The following C16orf95 variants were observed in gnomAD, a reference collection of about 807,000 sequenced individuals.
The protein encoded by C16orf95 is chromosome 16 open reading frame 95, also known as uncharacterized protein C16orf95.
A neutral mutation model predicts 32.1 loss-of-function variants in C16orf95; 41 were observed. The observed-to-expected ratio is 1.28, with a 90% confidence interval of 1.00 to 1.66. The LOEUF (loss-of-function observed/expected upper bound fraction) is 1.66, where lower values mean the gene tolerates loss of function less well. Among genes scored for constraint, C16orf95 ranks in the 40% most tolerant of loss-of-function variants. C16orf95 has a pLI of 0.00. For synonymous variants in C16orf95, 147 were observed against 128.9 expected (o/e 1.14, Z -0.95); for missense variants, 399 against 325.9 (o/e 1.22, Z -1.73).
Position 87,314,979 on chromosome 16 carries a change from G to C in C16orf95, c.322C>G (p.Arg108Gly), listed in dbSNP as rs531125577. Residue 108 changes from arginine to glycine, a missense_variant, in exon 3 of 7, where the codon CGA (arginine) becomes GGA (glycine). Transcript: ENST00000567970. ...TGGTTCAAGTCACCTACCTGCTTTC[G>C]GGGTCTCAGGGACAGAGGGACCCAG... ...PYWVPLSLRP[R>G]KQSQKTVQFP... The C allele has an allele frequency of 3.6e-4, 555 of 1,535,846 alleles. 1 individual carries two copies. In the African/African-American group the frequency reaches 5.9e-3, roughly 16 times the overall value.
intron 3 of C16orf95, among the ~76,000 whole-genome samples, chr16:87,312,583 AAAAG>A (rs1240360204): frequency 1.3e-4 from 20 of 150,254 alleles, no homozygotes; most frequent in African/African-American, 4.7e-4. Flanking sequence ...AAAAAAAAAA[AAAAG>A]AAAGAAAAGA....
chr16:87,305,631 T>A lies in C16orf95; in HGVS notation c.701+88A>T. On this transcript the variant is annotated intron_variant, in intron 6 of 6. Transcript: ENST00000567970. The surrounding 1 kb of genome is among the most constrained non-coding windows in gnomAD (Gnocchi z 4.2). ...CAAGTTAAGCCCCACCCCCCACTCT[T>A]CCACATCCCTGATGGCCACCAAGCC... The A allele has an allele frequency of 8.0e-7, 1 of 1,252,924 alleles. No individual in the cohort carries two copies. Among genetic ancestry groups the A allele is most frequent in the Non-Finnish European group, 1.1e-6 (1 of 938,864 alleles). The allele number at this position is 1,252,924 out of a possible 1,614,324, so 77.6% of individuals were successfully genotyped here.
chr16:87,306,372 T>A (rs1911031231), intron 5 of C16orf95, among the ~76,000 whole-genome samples: 1 of 152,186 alleles, frequency 6.6e-6, no homozygotes, highest in Non-Finnish European at 1.5e-5. Flanking sequence ...TTCCAACGTT[T>A]CCATTTCCTT....
chr16:87,314,090 G>A (rs181787020), intron 3 of C16orf95, among the ~76,000 whole-genome samples: 26 of 152,196 alleles, frequency 1.7e-4, no homozygotes, highest in Admixed American at 2.6e-4. Context: ...GTAAAATGGT[G>A]GAAAACAGTC....
intron 3 of C16orf95, among the ~76,000 whole-genome samples, chr16:87,314,339 G>C (rs1043862628): frequency 2.0e-5 from 3 of 152,168 alleles, no homozygotes; most frequent in Non-Finnish European, 4.4e-5. Flanking sequence ...TAAAAAGAAT[G>C]ACTATTGATG....
Position 87,317,308 on chromosome 16 carries a change from C to G in C16orf95, c.-66G>C. The G allele has an allele frequency of 6.9e-7, 1 of 1,451,704 alleles. No individual in the cohort carries two copies. Among genetic ancestry groups the G allele is most frequent in the Middle Eastern group, 1.8e-4 (1 of 5,616 alleles). The allele number at this position is 1,451,704 out of a possible 1,614,324, so 89.9% of individuals were successfully genotyped here. ...GTCCGCAGGCCCTGACGCCCTGGCT[C>G]CCGCCTTTCCCTCCTGCCCCAGGAG... On this transcript the variant is annotated 5_prime_UTR_variant, in exon 1 of 7. Transcript: ENST00000567970.
At chr16:87,312,568 C>CAAAAAAAA in intron 3 of C16orf95, among the ~76,000 whole-genome samples, 1 of 86,038 alleles carries the variant, frequency 1.2e-5, no homozygotes, top group Non-Finnish European at 2.1e-5. Context: ...GACTCCATCT[C>CAAAAAAAA]AAAAAAAAAA....
In C16orf95 at chr16:87,315,758, T is replaced by C; in HGVS notation, c.204+14A>G. 6.6e-7 allele frequency: 1 copy of C among 1,525,968 alleles called. No homozygotes were observed. The highest frequency in any genetic ancestry group is 1.2e-5 in the South Asian group (1 of 82,270). 94.5% of individuals were successfully genotyped at this position (1,525,968 alleles called of 1,614,324 possible). On this transcript the variant is annotated intron_variant, in intron 2 of 6. Transcript: ENST00000567970. ...TGGGGTCAGGGCCAGTGGCTGAGGA[T>C]TTGCTTTCCTTACCGAATGACGGGG...
chr16:87,316,171 G>T (rs979285354), intron 1 of C16orf95, among the ~76,000 whole-genome samples: 10 of 152,224 alleles, frequency 6.6e-5, no homozygotes, highest in African/African-American at 1.2e-4. Context: ...ACATGTAGCT[G>T]CCAATCACAT....
rs112066623 is a variant in C16orf95, at chr16:87,310,828, T to G, written c.477+322A>C. On this transcript the variant is annotated intron_variant, in intron 4 of 6. Coordinates refer to ENST00000567970, the MANE Select transcript of C16orf95 (RefSeq NM_001195124.3). ...GGGAGGTGAGAGAGGTCAGGGAGAGTGCAGAGGGGGAGGAAGAGAGGGAGG... is the reference window on the plus strand; with the variant it reads ...GGGAGGTGAGAGAGGTCAGGGAGAGGGCAGAGGGGGAGGAAGAGAGGGAGG... Among the ~76,000 whole-genome samples the G allele has an allele frequency of 4.3e-3, 643 of 151,070 alleles. 5 individuals carry two copies. Among genetic ancestry groups the G allele is most frequent in the African/African-American group, 0.015 (627 of 41,130 alleles).
At chr16:87,309,101 T>A (rs965831068) in intron 5 of C16orf95, among the ~76,000 whole-genome samples, 5 of 152,194 alleles carry the variant, frequency 3.3e-5, no homozygotes, top group Admixed American at 6.5e-5. Context: ...CATAAACTTG[T>A]CATAAAGCAT....
rs751141070 is a variant in C16orf95 at position 87,311,164 on chromosome 16, T to G, written c.463A>C (p.Arg155=). Residue 155 remains arginine, a synonymous_variant, in exon 4 of 7, where the codon AGG becomes CGG. Coordinates refer to ENST00000567970, the MANE Select transcript of C16orf95 (RefSeq NM_001195124.3). ...VMPYWVPQVL[R]SQQQIVRRQQ... is the part of the protein sequence containing the mutation. ...CTCCTCCTTACCTGCTGCTGAGACC[T>G]CAGGACCTGGGGCACCCAGTAGGGC... is the stretch of plus-strand genomic sequence containing the variant. 3.9e-5 allele frequency: 59 copies of G among 1,532,082 alleles called. No individual in the cohort carries two copies. Among genetic ancestry groups the G allele is most frequent in the Non-Finnish European group, 4.4e-6 (5 of 1,144,038 alleles). 94.9% of individuals were successfully genotyped at this position (1,532,082 alleles called of 1,614,324 possible). A position where few individuals can be genotyped will look rare whatever the true frequency, so the allele number is the denominator to read the frequency against.
intron 6 of C16orf95, among the ~76,000 whole-genome samples, chr16:87,303,945 G>A (rs2085801879): frequency 6.6e-6 from 1 of 152,066 alleles, no homozygotes; most frequent in Non-Finnish European, 1.5e-5. Flanking sequence ...CAAGTAATTT[G>A]AGCCTGAGGC....
chr16:87,303,397 G>A lies in C16orf95; in HGVS notation c.702-322C>T. ...AGGCAGGTCTCACCCTGCTCTTGGGGGCTCCCTGCCAAGAGATTCTAAGCC... is the reference window on the plus strand; with the variant it reads ...AGGCAGGTCTCACCCTGCTCTTGGGAGCTCCCTGCCAAGAGATTCTAAGCC... On this transcript the variant is annotated intron_variant, in intron 6 of 6. Transcript: ENST00000567970. 3 of 295,550 alleles carry A rather than the reference G, an allele frequency of 1.0e-5. No individual in the cohort carries two copies. The South Asian group carries it at 2.1e-4, about 21-fold the overall frequency. 18.3% of individuals were successfully genotyped at this position (295,550 alleles called of 1,614,324 possible). A position where few individuals can be genotyped will look rare whatever the true frequency, so the allele number is the denominator to read the frequency against.
At chr16:87,311,069 C>T in intron 4 of C16orf95, 81 bp downstream of exon 4, 1 of 1,301,550 alleles carries the variant, frequency 7.7e-7, no homozygotes, top group Non-Finnish European at 1.0e-6. Context: ...TACCCCTCTT[C>T]CCCTTCTTCC....
chr16:87,315,144 C>G (rs762843495), intron 2 of C16orf95, 48 bp from the exon 3 acceptor site: 1 of 1,524,684 alleles, frequency 6.6e-7, no homozygotes, highest in Non-Finnish European at 8.8e-7. Flanking sequence ...GCTGCATTTG[C>G]AGGGAGACAG....
In C16orf95 at chr16:87,305,016, G is replaced by A. The variant is rs975112910; in HGVS notation, c.701+703C>T. 3.3e-5 allele frequency among the ~76,000 whole-genome samples: 5 copies of A among 152,184 alleles called. No individual in the cohort carries two copies. Among genetic ancestry groups the A allele is most frequent in the African/African-American group, 1.2e-4 (5 of 41,446 alleles). ...TGTGATGCAGGCCCCCAGGCAGGAA[G>A]GAGCTGCACTGGGCAATGAGGAGGA... On this transcript the variant is annotated intron_variant, in intron 6 of 6. Coordinates refer to ENST00000567970, the MANE Select transcript of C16orf95 (RefSeq NM_001195124.3). This position sits in a 1 kb window ranked among gnomAD's most constrained non-coding sequence, Gnocchi z 4.2.
chr16:87,313,188 G>A (rs1471900348), intron 3 of C16orf95, among the ~76,000 whole-genome samples: 4 of 104,378 alleles, frequency 3.8e-5, no homozygotes, highest in Admixed American at 1.0e-4. Flanking sequence ...AATTCACATG[G>A]AAATTAAAAA....
chr16:87,314,291 A>T (rs1484773697), intron 3 of C16orf95, among the ~76,000 whole-genome samples: 13 of 152,208 alleles, frequency 8.5e-5, no homozygotes, highest in Admixed American at 7.2e-4. Flanking sequence ...GAATGAATAA[A>T]CTGTGGCCTA....
Sources: gnomAD v4.1 joint callset for allele counts (sites outside exome capture counted in the v4.1 genomes callset) on GRCh38, gnomAD v4.1.1 for gene constraint, Gnocchi (gnomAD v3.1) non-coding constraint, MANE v1.5 for transcripts, NCBI Gene and HGNC (gene_info 2026-07-23, HGNC 2026-07-21) for gene names.